Variants in MCPH1 observed in about 807,000 individuals in gnomAD.
The protein encoded by MCPH1 is microcephalin.
In MCPH1, 104 loss-of-function variants were observed where a neutral mutation model predicts 84.5. The observed-to-expected ratio is 1.23, with a 90% CI of 1.05 to 1.45. The LOEUF is 1.45. Ranked by LOEUF, MCPH1 falls within the 40% of genes most tolerant of loss-of-function variation. The probability of loss-of-function intolerance (pLI) is 0.00; values close to 1 mark genes in which losing one functional copy is unlikely to be tolerated. For missense variants in MCPH1, 1,498 were observed against 1,005.7 expected (o/e 1.49, Z -6.62); for synonymous variants, 514 against 366.8 (o/e 1.40, Z -4.58).
intron 13 of MCPH1, among the ~76,000 whole-genome samples, chr8:6,640,410 G>C (rs983105922): frequency 3.3e-5 from 5 of 151,924 alleles, no homozygotes; most frequent in African/African-American, 1.2e-4. Context: ...GATCCGATTA[G>C]TTAAAAAAAT....
At chr8:6,631,579 A>G (rs920202356) in intron 13 of MCPH1, among the ~76,000 whole-genome samples, 12 of 152,158 alleles carry the variant, frequency 7.9e-5, no homozygotes, top group African/African-American at 2.9e-4. Flanking sequence ...AACATTACTA[A>G]TCATTAGGAA....
chr8:6,435,705 C>A (rs1172170675), intron 4 of MCPH1, among the ~76,000 whole-genome samples: 1 of 152,122 alleles, frequency 6.6e-6, no homozygotes, highest in Non-Finnish European at 1.5e-5. Flanking sequence ...CATTTTGATA[C>A]ACAAAGTTGA....
At chr8:6,447,864 T>C (rs540525794) in intron 8 of MCPH1, among the ~76,000 whole-genome samples, 1 of 152,318 alleles carries the variant, frequency 6.6e-6, no homozygotes, top group East Asian at 1.9e-4. Context: ...TTTTGTTTTC[T>C]AAAATCTTTA....
chr8:6,478,495 T>C (rs959445501), intron 10 of MCPH1, among the ~76,000 whole-genome samples: 4 of 152,246 alleles, frequency 2.6e-5, no homozygotes, highest in African/African-American at 9.6e-5. Context: ...AACTGCTTAT[T>C]TTCTCATTCA....
chr8:6,606,513 C>T (rs2454518), intron 12 of MCPH1, among the ~76,000 whole-genome samples: 97,088 of 152,046 alleles, frequency 0.64, 33,473 homozygotes, highest in Non-Finnish European at 0.79. Context: ...TTCCCTAGGT[C>T]CGGCAGCATA....
chr8:6,552,172 A>G (rs1266374824), intron 12 of MCPH1, among the ~76,000 whole-genome samples: 1 of 152,184 alleles, frequency 6.6e-6, no homozygotes, highest in Non-Finnish European at 1.5e-5. Context: ...CTTAGAAGGT[A>G]GTTTGGGGCT....
At chr8:6,505,396 TAGAATATATATATTCTTTATATACATAA>T (rs1563306818) in intron 12 of MCPH1, among the ~76,000 whole-genome samples, 1,022 of 55,792 alleles carry the variant, frequency 0.018, 118 homozygotes, top group Non-Finnish European at 0.034. Flanking sequence ...TATATGTATA[TAGAATATATATATTCTTTATATACATAA>T]AGAATATATA....
chr8:6,626,268 A>G (rs762514411), intron 13 of MCPH1: 11 of 985,360 alleles, frequency 1.1e-5, no homozygotes, highest in Non-Finnish European at 1.3e-5. Flanking sequence ...ACAAAATGTA[A>G]GCCACGCCTC....
intron 6 of MCPH1, among the ~76,000 whole-genome samples, chr8:6,441,007 CCAGCTAAGCCATCTCCTTTTGA>C (rs1241165065): frequency 6.6e-6 from 1 of 152,140 alleles, no homozygotes; most frequent in Non-Finnish European, 1.5e-5. Flanking sequence ...TGTGTGCCTC[CCAGCTAAGCCATCTCCTTTTGA>C]CAGCCTTACC....
chr8:6,480,162 C>T (rs903605630), intron 10 of MCPH1, among the ~76,000 whole-genome samples: 5 of 148,160 alleles, frequency 3.4e-5, no homozygotes, highest in African/African-American at 1.0e-4. Flanking sequence ...CTCTCCCTGT[C>T]GCCCAGGCTG....
At chr8:6,477,657 C>A in intron 10 of MCPH1, 26 bp downstream of exon 10, 1 of 1,600,922 alleles carries the variant, frequency 6.2e-7, no homozygotes, top group South Asian at 1.1e-5. Context: ...GATTTCTGTT[C>A]AATGTAAAAT....
chr8:6,580,935 A>T (rs1015737349), intron 12 of MCPH1, among the ~76,000 whole-genome samples: 6 of 152,240 alleles, frequency 3.9e-5, no homozygotes, highest in African/African-American at 1.4e-4. Flanking sequence ...GGTTCAACCA[A>T]TCGTGGACCA....
chr8:6,433,493 C>T (rs1400853363), intron 4 of MCPH1, among the ~76,000 whole-genome samples: 1 of 151,902 alleles, frequency 6.6e-6, no homozygotes, highest in Non-Finnish European at 1.5e-5. Flanking sequence ...ATTAGCCCAA[C>T]CTGGTGGTGC....
At chr8:6,455,337 T>A in intron 9 of MCPH1, 85 bp downstream of exon 9, 1 of 962,212 alleles carries the variant, frequency 1.0e-6, no homozygotes, top group Non-Finnish European at 1.7e-6. Flanking sequence ...CATAAACCAG[T>A]CTATCTGACT....
intron 12 of MCPH1, among the ~76,000 whole-genome samples, chr8:6,592,239 C>A (rs955406981): frequency 3.9e-5 from 6 of 152,008 alleles, no homozygotes; most frequent in Non-Finnish European, 7.4e-5. Context: ...TGCAGCTCAA[C>A]CTCTCGGGCT....
At chr8:6,414,027 A>G (rs1162609527) in intron 2 of MCPH1, among the ~76,000 whole-genome samples, 1 of 152,208 alleles carries the variant, frequency 6.6e-6, no homozygotes, top group Non-Finnish European at 1.5e-5. Context: ...TTCTGGGATT[A>G]CAGGTGTGAA....
chr8:6,559,187 G>A (rs1825119842), intron 12 of MCPH1, among the ~76,000 whole-genome samples: 1 of 150,242 alleles, frequency 6.7e-6, no homozygotes, highest in Admixed American at 6.7e-5. Flanking sequence ...TATTGTTGTT[G>A]TTTTAATATA....
At chr8:6,626,108 T>C (rs1832049997) in intron 13 of MCPH1, 1 of 985,254 alleles carries the variant, frequency 1.0e-6, no homozygotes, top group Non-Finnish European at 1.2e-6. Flanking sequence ...TCTATGACGA[T>C]AAAAATTGTT....
chr8:6,454,405 T>C (rs77035971), intron 8 of MCPH1, among the ~76,000 whole-genome samples: 21,825 of 152,222 alleles, frequency 0.14, 1,632 homozygotes, highest in Middle Eastern at 0.25. Context: ...GACCATGTTA[T>C]GGTCCATGTT....
Sources: allele counts gnomAD v4.1 joint callset (sites outside exome capture counted in the v4.1 genomes callset), GRCh38; gene constraint gnomAD v4.1.1; transcripts MANE v1.5; gene names NCBI Gene and HGNC (gene_info 2026-07-23, HGNC 2026-07-21).